Variants in CHRNA1 observed in about 807,000 individuals in gnomAD.
CHRNA1 encodes the protein acetylcholine receptor subunit alpha.
CHRNA1 carries 35 observed loss-of-function variants against 47.1 expected under a neutral mutation model. The observed-to-expected ratio is 0.74, with a 90% CI of 0.57 to 0.99. The LOEUF is 0.99. Ranked by LOEUF, CHRNA1 falls within the 50% of genes least tolerant of loss-of-function variation. The probability of loss-of-function intolerance (pLI) is 0.00; values close to 1 mark genes in which losing one functional copy is unlikely to be tolerated. For missense variants in CHRNA1, 506 were observed against 591.1 expected (o/e 0.86, Z 1.49); for synonymous variants, 229 against 223.6 (o/e 1.02, Z -0.22).
chr2:174,763,330 G>GCGCA (rs1553470210), intron 1 of CHRNA1, among the ~76,000 whole-genome samples: 115 of 55,142 alleles, frequency 2.1e-3, no homozygotes, highest in African/African-American at 4.7e-3. Context: ...GCACGCGCGC[G>GCGCA]CACACACACA....
intron 3 of CHRNA1, 45 bp downstream of exon 3, chr2:174,759,286 A>AT (rs1684044363): frequency 1.0e-5 from 16 of 1,595,548 alleles, no homozygotes; most frequent in Non-Finnish European, 1.4e-5. Flanking sequence ...GTTTAATTTC[A>AT]GTGTGAATGA....
chr2:174,750,035 C>T lies in CHRNA1; in HGVS notation c.913G>A (p.Val305Ile), dbSNP rs137852804. ...ACAGTGATGATGATGGAGGCAATGA[C>T]GAACACCATGGTGAACAGCATGTAT... ...GKYMLFTMVF[V>I]IASIIITVIV... Residue 305 changes from valine to isoleucine, a missense_variant, in exon 7 of 9, where the codon GTC (valine) becomes ATC (isoleucine). By Grantham distance (29) the Val-to-Ile change is conservative. Coordinates refer to ENST00000348749, the MANE Select transcript of CHRNA1 (RefSeq NM_000079.4). 7 of 1,613,970 alleles carry T rather than the reference C, an allele frequency of 4.3e-6. No homozygotes were observed. Among genetic ancestry groups the T allele is most frequent in the East Asian group, 2.2e-5 (1 of 44,898 alleles).
rs372293681 is a variant in CHRNA1, at chr2:174,759,440, G to A, written c.189+48C>T. 301 of 1,613,994 alleles carry A rather than the reference G, an allele frequency of 1.9e-4. 1 individual carries two copies. Among genetic ancestry groups the A allele is most frequent in the Non-Finnish European group, 1.0e-4 (121 of 1,180,014 alleles). On this transcript the variant is annotated intron_variant, in intron 2 of 8. Transcript: ENST00000348749. Reference sequence around the variant, plus strand: ...GGGGACCCAGGGGAGGAAACCCAGGGGTGAGAGGTGTGGGTGTGTGGGCAG... The same window carrying A: ...GGGGACCCAGGGGAGGAAACCCAGGAGTGAGAGGTGTGGGTGTGTGGGCAG...
In CHRNA1 at chr2:174,753,695, A is replaced by C. The variant is rs747928217; in HGVS notation, c.586T>G (p.Trp196Gly). Residue 196 changes from tryptophan (W) to glycine (G), a missense_variant, in exon 6 of 9, where the codon TGG becomes GGG. Coordinates refer to ENST00000348749, the MANE Select transcript of CHRNA1 (RefSeq NM_000079.4). ...CAGCCCCGGGACTCCTTGATCACCCACTCCCCGCTCTCCATGAAGTTGCTC... is the reference window on the plus strand; with the variant it reads ...CAGCCCCGGGACTCCTTGATCACCCCCTCCCCGCTCTCCATGAAGTTGCTC... ...DLSNFMESGE[W>G]VIKESRGWKH... 1 of 1,613,474 alleles carries C rather than the reference A, an allele frequency of 6.2e-7. No homozygotes were observed. Among genetic ancestry groups the C allele is most frequent in the Non-Finnish European group, 8.5e-7 (1 of 1,179,902 alleles).
chr2:174,757,458 T>A, intron 4 of CHRNA1, 108 bp downstream of exon 4: 1 of 826,136 alleles, frequency 1.2e-6, no homozygotes, highest in Non-Finnish European at 2.1e-6. Context: ...CCTGGGTGAT[T>A]TAACATTAGC....
chr2:174,748,912 G>A, intron 7 of CHRNA1, 93 bp from the exon 8 acceptor site: 1 of 1,540,230 alleles, frequency 6.5e-7, no homozygotes, highest in Non-Finnish European at 8.8e-7. Context: ...TTTGGGGTAA[G>A]TCATTCAGTT....
At chr2:174,756,951 C>A (rs1312258990) in intron 4 of CHRNA1, among the ~76,000 whole-genome samples, 2 of 152,132 alleles carry the variant, frequency 1.3e-5, no homozygotes, top group Admixed American at 6.5e-5. Flanking sequence ...TGTCATTAGA[C>A]CAGAACGTCT....
rs1352015674 is a variant in CHRNA1, at chr2:174,757,558, T to C, written c.344+8A>G. On this transcript the variant is annotated splice_region_variant and intron_variant, in intron 4 of 8. Transcript: ENST00000348749. ...GAGCACCCTCCGCCACCCATGCAGT[T>C]TGCTCACTTGTTATAGAGAACAAGG... 1 of 1,609,548 alleles carries C rather than the reference T, an allele frequency of 6.2e-7. No individual in the cohort carries two copies. Among genetic ancestry groups the C allele is most frequent in the Non-Finnish European group, 8.5e-7 (1 of 1,175,994 alleles).
chr2:174,753,418 A>T, intron 6 of CHRNA1, 85 bp downstream of exon 6: 2 of 1,306,496 alleles, frequency 1.5e-6, no homozygotes, highest in Non-Finnish European at 2.2e-6. Context: ...CCTGTTTGTT[A>T]GCACATGATT....
At chr2:174,749,907 G>A in intron 7 of CHRNA1, 39 bp downstream of exon 7, 2 of 1,538,010 alleles carry the variant, frequency 1.3e-6, no homozygotes, top group Non-Finnish European at 1.8e-6. Context: ...GCCTGTAGAT[G>A]TGCCTCCGTG....
At chr2:174,761,869 G>A (rs539534320) in intron 1 of CHRNA1, among the ~76,000 whole-genome samples, 1 of 152,180 alleles carries the variant, frequency 6.6e-6, no homozygotes, top group Non-Finnish European at 1.5e-5. Context: ...GGATTACTGA[G>A]CACCTTGGCC....
At chr2:174,762,688 G>C (rs983316061) in intron 1 of CHRNA1, among the ~76,000 whole-genome samples, 6 of 152,230 alleles carry the variant, frequency 3.9e-5, no homozygotes, top group Non-Finnish European at 5.9e-5. Flanking sequence ...GAAATGAAAA[G>C]TGCTGTATAA....
At chr2:174,762,638 G>T (rs1200416030) in intron 1 of CHRNA1, among the ~76,000 whole-genome samples, 1 of 152,230 alleles carries the variant, frequency 6.6e-6, no homozygotes. Flanking sequence ...AGACGGCAAT[G>T]AAGTGCTTGA....
At chr2:174,748,318 G>A in intron 8 of CHRNA1, 63 bp from the exon 9 acceptor site, 1 of 1,608,984 alleles carries the variant, frequency 6.2e-7, no homozygotes, top group Non-Finnish European at 8.5e-7. Flanking sequence ...CACAACGTTT[G>A]TGCTTTGCAT....
At chr2:174,756,690 C>T (rs567065603) in intron 4 of CHRNA1, among the ~76,000 whole-genome samples, 1 of 152,282 alleles carries the variant, frequency 6.6e-6, no homozygotes, top group South Asian at 2.1e-4. Context: ...GCTTGAACCC[C>T]AGGTATAATT....
In CHRNA1 at chr2:174,759,929, T is replaced by TACACACAC. The variant is rs5836472; in HGVS notation, c.44-304_44-297dup. On this transcript the variant is annotated intron_variant, in intron 1 of 8. Coordinates refer to ENST00000348749, the MANE Select transcript of CHRNA1 (RefSeq NM_000079.4). ...GCCTGGCTGAATCAAGTTTGCCAGG[T>TACACACAC]ACACACACACACACACACACACACA... Among the ~76,000 whole-genome samples the TACACACAC allele has an allele frequency of 9.1e-3, 1,309 of 144,060 alleles. 18 individuals are homozygous for TACACACAC. Among genetic ancestry groups the TACACACAC allele is most frequent in the African/African-American group, 0.031 (1,176 of 37,814 alleles). 94.5% of individuals were successfully genotyped at this position (144,060 alleles called of 152,430 possible).
intron 4 of CHRNA1, among the ~76,000 whole-genome samples, chr2:174,756,095 A>G (rs1683976750): frequency 1.3e-5 from 2 of 152,294 alleles, no homozygotes; most frequent in South Asian, 2.1e-4. Flanking sequence ...GAGGCTAAAA[A>G]ATAGATTTTA....
At position 174,749,970 on chromosome 2, in the gene CHRNA1, A is replaced by G. The variant is rs1574003456; in HGVS notation, c.978T>C (p.His326=). Residue 326 remains histidine (H), a synonymous_variant, in exon 7 of 9, where the codon CAT becomes CAC. Coordinates refer to ENST00000348749, the MANE Select transcript of CHRNA1 (RefSeq NM_000079.4). ...CCTTCCGCACCCAGTTGGGCATGAC[A>G]TGGGTGCTGGGTGAGCGGTGGTGTG... ...INTHHRSPST[H]VMPNWVRKVF... is the part of the protein sequence containing the mutation. The G allele has an allele frequency of 1.2e-6, 2 of 1,614,054 alleles. No individual in the cohort carries two copies. The highest frequency in any genetic ancestry group is 1.7e-6 in the Non-Finnish European group (2 of 1,179,978).
At chr2:174,755,346 A>C (rs1025670727) in intron 4 of CHRNA1, among the ~76,000 whole-genome samples, 5 of 151,980 alleles carry the variant, frequency 3.3e-5, no homozygotes, top group African/African-American at 1.2e-4. Flanking sequence ...GTGTCCCCTG[A>C]GGCGCCCATG....
Sources: allele counts gnomAD v4.1 joint callset (sites outside exome capture counted in the v4.1 genomes callset), GRCh38; gene constraint gnomAD v4.1.1; transcripts MANE v1.5; gene names NCBI Gene and HGNC (gene_info 2026-07-23, HGNC 2026-07-21).